CPA5: variants seen among roughly 807,000 people sequenced by gnomAD.
CPA5 encodes carboxypeptidase A5.
A neutral mutation model predicts 52.2 loss-of-function variants in CPA5; 38 were observed. The observed-to-expected ratio is 0.73, with a 90% confidence interval of 0.56 to 0.95. The LOEUF (loss-of-function observed/expected upper bound fraction) is 0.95. CPA5 is among the 40% of genes least tolerant of loss of function. The pLI is 0.00. For missense variants in CPA5, 519 were observed against 566.7 expected, an observed-to-expected ratio of 0.92 and a Z score of 0.86; for synonymous variants, 198 against 213.7, an observed-to-expected ratio of 0.93 and a Z score of 0.64.
At chr7:130,361,783 A>G (rs566391737) in intron 7 of CPA5, among the ~76,000 whole-genome samples, 3 of 152,336 alleles carry the variant, frequency 2.0e-5, no homozygotes, top group East Asian at 3.9e-4. Context: ...GCCCATCAGA[A>G]AGCAATTCTT....
At chr7:130,348,926 G>A (rs1229492753) in intron 4 of CPA5, among the ~76,000 whole-genome samples, 3 of 152,066 alleles carry the variant, frequency 2.0e-5, no homozygotes, top group East Asian at 1.9e-4. Flanking sequence ...ATGAAGTCTC[G>A]CACCTGCACG....
chr7:130,369,271 C>CTCA (rs144449169), downstream of CPA5, among the ~76,000 whole-genome samples: 7,468 of 152,118 alleles, frequency 0.049, 529 homozygotes, highest in African/African-American at 0.16. Flanking sequence ...AGAAGAGCTT[C>CTCA]TCATCATCAT....
chr7:130,368,618 G>T lies in CPA5; in HGVS notation c.*21G>T. 2 of 1,612,932 alleles carry T rather than the reference G, an allele frequency of 1.2e-6. No homozygotes were observed. The highest frequency in any genetic ancestry group is 1.7e-6 in the Non-Finnish European group (2 of 1,179,610). ...ACTAGCAGCACGACTGAGGGCAGGA[G>T]GCTCCATCCTTCTCCCCAAGGTCTG... On this transcript the variant is annotated 3_prime_UTR_variant, in exon 13 of 13. Coordinates refer to ENST00000474905, the MANE Select transcript of CPA5 (RefSeq NM_080385.5).
chr7:130,346,345 T>A, intron 2 of CPA5, 48 bp from the exon 3 acceptor site: 1 of 580,856 alleles, frequency 1.7e-6, no homozygotes, highest in Non-Finnish European at 3.0e-6. Flanking sequence ...GCCTGGCATG[T>A]GGGAGCCACA....
intron 3 of CPA5, among the ~76,000 whole-genome samples, chr7:130,347,541 G>A (rs548239528): frequency 6.6e-6 from 1 of 152,158 alleles, no homozygotes; most frequent in African/African-American, 2.4e-5. Flanking sequence ...CTGTCCTTGG[G>A]GCTGGAGAGC....
At chr7:130,350,810 G>A (rs1475992159) in intron 5 of CPA5, among the ~76,000 whole-genome samples, 6 of 152,198 alleles carry the variant, frequency 3.9e-5, no homozygotes, top group Non-Finnish European at 8.8e-5. Flanking sequence ...CTATTTTCCA[G>A]TATATCCTAA....
rs782180576 is a variant in CPA5 at position 130,363,402 on chromosome 7, G to A, written c.748-17G>A. Reference sequence around the variant, plus strand: ...ATGGGCCCAGTGAATGAGGTCACCTGTCCTGGGCTTTCCCAGAACCGCTTA... The same window carrying A: ...ATGGGCCCAGTGAATGAGGTCACCTATCCTGGGCTTTCCCAGAACCGCTTA... On this transcript the variant is annotated splice_polypyrimidine_tract_variant and intron_variant, in intron 9 of 12. Coordinates refer to ENST00000474905, the MANE Select transcript of CPA5 (RefSeq NM_080385.5). 1 of 1,557,680 alleles carries A rather than the reference G, an allele frequency of 6.4e-7. No homozygotes were observed. Among genetic ancestry groups the A allele is most frequent in the South Asian group, 1.2e-5 (1 of 84,624 alleles).
At chr7:130,362,681 C>T in intron 8 of CPA5, 142 bp downstream of exon 8, 1 of 669,572 alleles carries the variant, frequency 1.5e-6, no homozygotes, top group Admixed American at 2.5e-5. Context: ...AGCCACCGTG[C>T]ACTCTTACCT....
intron 6 of CPA5, among the ~76,000 whole-genome samples, chr7:130,359,896 A>G (rs1795698263): frequency 6.6e-6 from 1 of 152,294 alleles, no homozygotes; most frequent in South Asian, 2.1e-4. Context: ...GATAGAGGGG[A>G]CAGTAGTTCA....
At chr7:130,366,900 C>A (rs1584835835) in intron 10 of CPA5, among the ~76,000 whole-genome samples, 1 of 152,370 alleles carries the variant, frequency 6.6e-6, no homozygotes, top group Middle Eastern at 3.4e-3. Context: ...GCCGAGGGGG[C>A]TCCCTGCAGG....
chr7:130,367,700 C>T (rs782282989), intron 11 of CPA5, 129 bp downstream of exon 11: 207 of 975,362 alleles, frequency 2.1e-4, no homozygotes, highest in Non-Finnish European at 3.1e-4. Context: ...CCCCATGGTG[C>T]GGGGGTGGGG....
At chr7:130,356,777 T>C (rs1234676169) in intron 5 of CPA5, among the ~76,000 whole-genome samples, 1 of 152,098 alleles carries the variant, frequency 6.6e-6, no homozygotes, top group African/African-American at 2.4e-5. Context: ...TCCTTTCTTT[T>C]TCCGATTTCT....
intron 5 of CPA5, among the ~76,000 whole-genome samples, chr7:130,352,512 G>T (rs1332575248): frequency 6.6e-6 from 1 of 151,870 alleles, no homozygotes; most frequent in Non-Finnish European, 1.5e-5. Flanking sequence ...GGTGAGGGGG[G>T]GCTGGCCAGA....
chr7:130,364,672 C>T (rs2117442482), intron 10 of CPA5, among the ~76,000 whole-genome samples: 1 of 152,300 alleles, frequency 6.6e-6, no homozygotes, highest in Middle Eastern at 3.4e-3. Flanking sequence ...CTGGCTTGAG[C>T]CTGATTTTTA....
downstream of CPA5, among the ~76,000 whole-genome samples, chr7:130,371,305 A>G (rs1796292261): frequency 6.6e-6 from 1 of 152,222 alleles, no homozygotes; most frequent in African/African-American, 2.4e-5. Context: ...AGGCAGGACT[A>G]TTACTGTCCT....
chr7:130,364,795 TC>T (rs1196084762), intron 10 of CPA5, among the ~76,000 whole-genome samples: 1 of 152,198 alleles, frequency 6.6e-6, no homozygotes, highest in Non-Finnish European at 1.5e-5. Flanking sequence ...CCTGATTATC[TC>T]CCTAACCATG....
At chr7:130,350,634 G>A (rs568473841) in intron 5 of CPA5, among the ~76,000 whole-genome samples, 32 of 152,264 alleles carry the variant, frequency 2.1e-4, no homozygotes, top group Admixed American at 1.9e-3. Flanking sequence ...CTCTCCGCAC[G>A]GGGCATCCCC....
At chr7:130,368,832 A>C, downstream of CPA5, 1 of 556,200 alleles carries the variant, frequency 1.8e-6, no homozygotes, top group Non-Finnish European at 3.2e-6. Flanking sequence ...ATGTGGGGGA[A>C]GCCTCTGCAC....
At chr7:130,368,174 T>C (rs17164864) in intron 12 of CPA5, among the ~76,000 whole-genome samples, 184 bp downstream of exon 12, 37,282 of 152,256 alleles carry the variant, frequency 0.24, 5,261 homozygotes, top group African/African-American at 0.38. Flanking sequence ...GTGCCTGGCT[T>C]ACTGCAAGGT....
Sources: gnomAD v4.1 joint callset for allele counts (sites outside exome capture counted in the v4.1 genomes callset) on GRCh38, gnomAD v4.1.1 for gene constraint, MANE v1.5 for transcripts, NCBI Gene and HGNC (gene_info 2026-07-23, HGNC 2026-07-21) for gene names.